CELSR1: variants seen among roughly 807,000 people sequenced by gnomAD.
CELSR1 encodes cadherin EGF LAG seven-pass G-type receptor 1, also known as adhesion G protein-coupled receptor C1.
CELSR1 carries 110 observed loss-of-function variants against 249.1 expected under a neutral mutation model. The ratio of observed to expected loss-of-function variants is 0.44; its 90% CI spans 0.38 to 0.52. CELSR1 has a LOEUF of 0.52. Ranked by LOEUF, CELSR1 falls within the 20% of genes least tolerant of loss-of-function variation. The probability of loss-of-function intolerance (pLI) is 0.00; values close to 1 mark genes in which losing one functional copy is unlikely to be tolerated. For missense variants in CELSR1, 4,109 were observed against 4,296.4 expected (o/e 0.96, Z 1.22); for synonymous variants, 2,113 against 1,900.0 (o/e 1.11, Z -2.92).
At chr22:46,366,932 TC>T in intron 29 of CELSR1, 60 bp downstream of exon 29, 2 of 1,520,424 alleles carry the variant, frequency 1.3e-6, no homozygotes. Context: ...TCGATCACCC[TC>T]CCCCGCCCCT....
At chr22:46,508,275 C>G (rs931774023) in intron 1 of CELSR1, among the ~76,000 whole-genome samples, 4 of 151,056 alleles carry the variant, frequency 2.6e-5, no homozygotes, top group Non-Finnish European at 4.4e-5. Flanking sequence ...GCCAGCCCTG[C>G]TCGTCCACAC....
Position 46,472,197 on chromosome 22 carries a change from G to C in CELSR1, c.3545-7852C>G, listed in dbSNP as rs2080162679. 6.6e-6 allele frequency among the ~76,000 whole-genome samples: 1 copy of C among 152,222 alleles called. No individual in the cohort carries two copies. Among genetic ancestry groups the C allele is most frequent in the Non-Finnish European group, 1.5e-5 (1 of 68,040 alleles). On this transcript the variant is annotated intron_variant, in intron 1 of 34. Coordinates refer to ENST00000674500, the MANE Select transcript of CELSR1 (RefSeq NM_001378328.1). The surrounding 1 kb of genome is among the most constrained non-coding windows in gnomAD (Gnocchi z 7.0). ...GAGCGCGAGGCTGCGGGGCCCTCCT[G>C]GCAGGTGCTGTACAAACGTGAACCA...
rs1440808487 is a variant in CELSR1 at position 46,366,913 on chromosome 22, G to A, written c.8205+80C>T. ...AGGGGCATACGGGCCGCAGGACTGG[G>A]GCTGAGGCTCGATCACCCTCCCCCG... is the stretch of plus-strand genomic sequence containing the variant. On this transcript the variant is annotated intron_variant, in intron 29 of 34. Coordinates refer to ENST00000674500, the MANE Select transcript of CELSR1 (RefSeq NM_001378328.1). 7 of 1,518,212 alleles carry A rather than the reference G, an allele frequency of 4.6e-6. 1 individual carries two copies. The highest frequency in any genetic ancestry group is 4.8e-5 in the East Asian group (2 of 41,314). The allele number at this position is 1,518,212 out of a possible 1,614,324, so 94.0% of individuals were successfully genotyped here. A position where few individuals can be genotyped will look rare whatever the true frequency, so the allele number is the denominator to read the frequency against.
At chr22:46,438,154 A>G (rs1442500869) in intron 3 of CELSR1, among the ~76,000 whole-genome samples, 1 of 152,152 alleles carries the variant, frequency 6.6e-6, no homozygotes, top group East Asian at 1.9e-4. Context: ...AAAAGCAAAA[A>G]AAAGGAGAGG....
chr22:46,518,185 C>T lies in CELSR1; in HGVS notation c.3544+15442G>A, dbSNP rs2080648212. On this transcript the variant is annotated intron_variant, in intron 1 of 34. Transcript: ENST00000674500. This position sits in a 1 kb window ranked among gnomAD's most constrained non-coding sequence, Gnocchi z 5.2. ...TCGACCTCCCAAAGTGCTGTGATTG[C>T]AGGCGTGAGCCACCACGCCTGGCCT... Among the ~76,000 whole-genome samples, 1 of 152,208 alleles carries T rather than the reference C, an allele frequency of 6.6e-6. No individual in the cohort carries two copies. Among genetic ancestry groups the T allele is most frequent in the Non-Finnish European group, 1.5e-5 (1 of 68,044 alleles).
chr22:46,492,755 G>A (rs1284093974), intron 1 of CELSR1, among the ~76,000 whole-genome samples: 5 of 151,678 alleles, frequency 3.3e-5, no homozygotes, highest in African/African-American at 7.3e-5. Context: ...CACCGTGCTC[G>A]GCCGAAACCC....
At chr22:46,378,558 C>A in intron 23 of CELSR1, 33 bp downstream of exon 23, 4 of 1,542,590 alleles carry the variant, frequency 2.6e-6, no homozygotes, top group Non-Finnish European at 3.5e-6. Flanking sequence ...GCGGTAGGCC[C>A]AGAGGGCACA....
intron 2 of CELSR1, among the ~76,000 whole-genome samples, chr22:46,442,291 C>T (rs1456396524): frequency 6.6e-6 from 1 of 152,272 alleles, no homozygotes; most frequent in Admixed American, 6.5e-5. Context: ...TCAGATTCCG[C>T]CTCCCGGCCC....
intron 23 of CELSR1, among the ~76,000 whole-genome samples, chr22:46,378,230 C>T (rs1237791984): frequency 6.6e-6 from 1 of 152,174 alleles, no homozygotes; most frequent in Non-Finnish European, 1.5e-5. Context: ...GGGAGCGGCA[C>T]CGTCCAACAG....
chr22:46,456,438 T>A (rs1166751070), intron 2 of CELSR1, among the ~76,000 whole-genome samples: 12 of 151,908 alleles, frequency 7.9e-5, no homozygotes, highest in Admixed American at 6.6e-4. Context: ...GGCGGGCAGA[T>A]CACGAGGTCA....
Position 46,537,150 on chromosome 22 carries a change from G to C in CELSR1, c.21C>G (p.Pro7=). The change falls in exon 1 of 35, where the codon CCC becomes CCG. Residue 7 remains proline, a synonymous_variant. Coordinates refer to ENST00000674500, the MANE Select transcript of CELSR1 (RefSeq NM_001378328.1). The surrounding 1 kb of genome is among the most constrained non-coding windows in gnomAD (Gnocchi z 5.8). Reference sequence around the variant, plus strand: ...CCAGGAGCAGCAGCACGGGCAGCACGGGCGGCGGCGGCGGCGCCATGGCCC... The same window carrying C: ...CCAGGAGCAGCAGCACGGGCAGCACCGGCGGCGGCGGCGGCGCCATGGCCC... The part of the protein sequence containing the change: MAPPPP[P]VLPVLLLLAA... 9.7e-7 allele frequency: 1 copy of C among 1,026,254 alleles called. No homozygotes were observed. Among genetic ancestry groups the C allele is most frequent in the Non-Finnish European group, 1.2e-6 (1 of 858,688 alleles). 63.6% of individuals were successfully genotyped at this position (1,026,254 alleles called of 1,614,324 possible).
At chr22:46,519,869 T>C (rs2080667089) in intron 1 of CELSR1, among the ~76,000 whole-genome samples, 1 of 144,414 alleles carries the variant, frequency 6.9e-6, no homozygotes, top group Non-Finnish European at 1.5e-5. Flanking sequence ...CCTACCCCTA[T>C]TGCTTTTTTT....
chr22:46,373,114 A>G, intron 24 of CELSR1, 57 bp from the exon 25 acceptor site: 2 of 1,479,870 alleles, frequency 1.4e-6, no homozygotes, highest in East Asian at 2.4e-5. Flanking sequence ...GAGGTCAGAC[A>G]GGCATGAGTG....
intron 2 of CELSR1, among the ~76,000 whole-genome samples, chr22:46,451,025 T>G (rs1484663282): frequency 6.6e-6 from 1 of 152,130 alleles, no homozygotes; most frequent in Non-Finnish European, 1.5e-5. Flanking sequence ...GGAGGCACCC[T>G]CTGTTCACCC....
Position 46,433,334 on chromosome 22 carries a change from C to A in CELSR1, c.4611+59G>T, listed in dbSNP as rs1415358251. On this transcript the variant is annotated intron_variant, in intron 5 of 34. Transcript: ENST00000674500. The surrounding 1 kb of genome is among the most constrained non-coding windows in gnomAD (Gnocchi z 5.7). ...ACAGGCGTGAGCCACTGCGCCTCGC[C>A]CCAGGGCACCTTCTCGAGCCGCCCT... 1 of 1,396,330 alleles carries A rather than the reference C, an allele frequency of 7.2e-7. No individual in the cohort carries two copies. The highest frequency in any genetic ancestry group is 1.0e-6 in the Non-Finnish European group (1 of 995,148). 86.5% of individuals were successfully genotyped at this position (1,396,330 alleles called of 1,614,324 possible). A position where few individuals can be genotyped will look rare whatever the true frequency, so the allele number is the denominator to read the frequency against.
rs183060691 is a variant in CELSR1, at chr22:46,397,633, G to C, written c.5701+41C>G. 9.2e-6 allele frequency: 13 copies of C among 1,407,108 alleles called. No individual in the cohort carries two copies. The Admixed American group carries it at 3.4e-4, about 37-fold the overall frequency. 87.2% of individuals were successfully genotyped at this position (1,407,108 alleles called of 1,614,324 possible). ...CCCCTCCTGTGTTTCAGCCATAAGA[G>C]ACCTCCCTGTCACTGAAGGGCCCCG... On this transcript the variant is annotated intron_variant, in intron 12 of 34. Coordinates refer to ENST00000674500, the MANE Select transcript of CELSR1 (RefSeq NM_001378328.1).
chr22:46,425,110 A>G (rs1193164142), intron 5 of CELSR1, among the ~76,000 whole-genome samples: 1 of 152,266 alleles, frequency 6.6e-6, no homozygotes, highest in Non-Finnish European at 1.5e-5. Flanking sequence ...TGGTACGGAC[A>G]TACCAGTTTG....
In CELSR1 at chr22:46,417,327, C is replaced by A. The variant is rs1390532472; in HGVS notation, c.4612-5568G>T. 6.6e-6 allele frequency among the ~76,000 whole-genome samples: 1 copy of A among 152,180 alleles called. No homozygotes were observed. Among genetic ancestry groups the A allele is most frequent in the East Asian group, 1.9e-4 (1 of 5,190 alleles). On this transcript the variant is annotated intron_variant, in intron 5 of 34. Transcript: ENST00000674500. The surrounding 1 kb of genome is among the most constrained non-coding windows in gnomAD (Gnocchi z 4.1). ...ATTCACGCAGATGCACGCAGCCTTCCAGAATTCAAACTGGCCTCCCAGGAG... is the reference window on the plus strand; with the variant it reads ...ATTCACGCAGATGCACGCAGCCTTCAAGAATTCAAACTGGCCTCCCAGGAG...
intron 1 of CELSR1, among the ~76,000 whole-genome samples, chr22:46,474,441 CCCGG>C (rs1377756568): frequency 6.6e-6 from 1 of 152,132 alleles, no homozygotes; most frequent in Non-Finnish European, 1.5e-5. Context: ...GACAAGCACC[CCCGG>C]CGGCCAGCAC....
Sources: allele counts gnomAD v4.1 joint callset (sites outside exome capture counted in the v4.1 genomes callset), GRCh38; gene constraint gnomAD v4.1.1; non-coding constraint Gnocchi (gnomAD v3.1); transcripts MANE v1.5; gene names NCBI Gene and HGNC (gene_info 2026-07-23, HGNC 2026-07-21).